Variants in MCOLN2 observed in about 807,000 individuals in gnomAD.
The protein encoded by MCOLN2 is mucolipin TRP cation channel 2.
A neutral mutation model predicts 67.5 loss-of-function variants in MCOLN2; 57 were observed. That is an observed-to-expected ratio of 0.84 (90% confidence interval 0.68 to 1.05). MCOLN2 has a LOEUF of 1.05. Ranked by LOEUF, MCOLN2 falls within the 50% of genes least tolerant of loss-of-function variation. MCOLN2 has a pLI of 0.00. For missense variants in MCOLN2, 620 were observed against 678.8 expected (o/e 0.91, Z 0.96); for synonymous variants, 246 against 233.3 (o/e 1.05, Z -0.50).
At chr1:84,982,087 T>A (rs536940811) in intron 1 of MCOLN2, among the ~76,000 whole-genome samples, 2,644 of 148,962 alleles carry the variant, frequency 0.018, 90 homozygotes, top group African/African-American at 0.061. Context: ...TTTTTTTTTT[T>A]AAAAAAAAGA....
intron 1 of MCOLN2, chr1:84,971,836 C>G (rs1649705942): frequency 6.6e-6 from 1 of 152,112 alleles, no homozygotes; most frequent in Admixed American, 6.5e-5. Flanking sequence ...CCAGGGCAGG[C>G]AGATCACTTG....
chr1:84,992,080 T>G (rs1472973278), intron 1 of MCOLN2, among the ~76,000 whole-genome samples: 1 of 152,190 alleles, frequency 6.6e-6, no homozygotes, highest in East Asian at 1.9e-4. Context: ...CAAGCCCAAC[T>G]CAGTTTCATG....
Position 84,946,925 on chromosome 1 carries a change from G to T in MCOLN2, c.847+108C>A, listed in dbSNP as rs1570971001. On this transcript the variant is annotated intron_variant, in intron 7 of 13. Transcript: ENST00000370608. ...TTTACAGGATCTAATGCTCGAGGCG[G>T]TTTTCTTCCTATTATCATGCAAACA... The T allele has an allele frequency of 3.2e-6, 2 of 618,032 alleles. 1 individual carries two copies. 38.3% of individuals were successfully genotyped at this position (618,032 alleles called of 1,614,324 possible).
At chr1:84,981,016 A>G (rs952475220) in intron 1 of MCOLN2, among the ~76,000 whole-genome samples, 1 of 152,214 alleles carries the variant, frequency 6.6e-6, no homozygotes, top group African/African-American at 2.4e-5. Context: ...TATGTCTCAA[A>G]AGAAGACATA....
chr1:84,994,502 C>T (rs1243664527), intron 1 of MCOLN2, among the ~76,000 whole-genome samples: 2 of 152,244 alleles, frequency 1.3e-5, no homozygotes, highest in African/African-American at 4.8e-5. Context: ...TATATCAGCA[C>T]TTTCTGCTTC....
intron 1 of MCOLN2, among the ~76,000 whole-genome samples, chr1:84,980,826 A>C (rs1168528777): frequency 6.6e-6 from 1 of 152,300 alleles, no homozygotes; most frequent in Non-Finnish European, 1.5e-5. Flanking sequence ...TCAAGTTTAA[A>C]AGCTTCTGCA....
intron 1 of MCOLN2, among the ~76,000 whole-genome samples, chr1:84,982,634 C>T (rs550473422): frequency 6.6e-6 from 1 of 152,132 alleles, no homozygotes; most frequent in Admixed American, 6.5e-5. Flanking sequence ...GAGCTCCAAC[C>T]ACCCCTTAGC....
At chr1:84,982,090 A>ATTTTT (rs1458660431) in intron 1 of MCOLN2, among the ~76,000 whole-genome samples, 1,338 of 133,264 alleles carry the variant, frequency 0.01, 25 homozygotes, top group African/African-American at 0.033. Flanking sequence ...TTTTTTTTAA[A>ATTTTT]AAAAAGATGA....
intron 1 of MCOLN2, among the ~76,000 whole-genome samples, chr1:84,976,489 C>T (rs1243690392): frequency 6.6e-6 from 1 of 152,056 alleles, no homozygotes; most frequent in East Asian, 1.9e-4. Flanking sequence ...CAGACAAGGT[C>T]GGGTGCAGTG....
At chr1:84,978,787 T>C (rs1274159759) in intron 1 of MCOLN2, among the ~76,000 whole-genome samples, 2 of 152,116 alleles carry the variant, frequency 1.3e-5, no homozygotes, top group Non-Finnish European at 2.9e-5. Context: ...TAATGGAATG[T>C]ATATGTGTAT....
intron 1 of MCOLN2, among the ~76,000 whole-genome samples, chr1:84,992,319 A>G (rs1005452762): frequency 6.6e-6 from 1 of 152,198 alleles, no homozygotes; most frequent in African/African-American, 2.4e-5. Flanking sequence ...CCTTCAAAAG[A>G]GAAGAAAGGA....
At position 84,996,817 on chromosome 1, in the gene MCOLN2, C is replaced by A. The variant is rs759831805; in HGVS notation, c.56G>T (p.Gly19Val). 4 of 1,614,146 alleles carry A rather than the reference C, an allele frequency of 2.5e-6. No individual in the cohort carries two copies. The highest frequency in any genetic ancestry group is 2.2e-5 in the South Asian group (2 of 91,066). The change falls in exon 1 of 14, where the codon GGT becomes GTT. Residue 19 changes from glycine (G) to valine (V), a missense_variant. Transcript: ENST00000370608. Reference sequence around the variant, plus strand: ...TCACCTGACGGTTAACCTGAAAACACCTGATCCTCTCTCCGGAATCCTTGC... The same window carrying A: ...TCACCTGACGGTTAACCTGAAAACAACTGATCCTCTCTCCGGAATCCTTGC... ...PQARIPERGS[G>V]VFRLTVRNAM...
At chr1:84,970,934 T>C (rs1649648344) in intron 1 of MCOLN2, among the ~76,000 whole-genome samples, 1 of 152,158 alleles carries the variant, frequency 6.6e-6, no homozygotes, top group African/African-American at 2.4e-5. Context: ...GTTCAAGAAA[T>C]GATAACTGAT....
chr1:84,987,200 CTATCTATCTATA>C (rs1343225953), intron 1 of MCOLN2, among the ~76,000 whole-genome samples: 22 of 138,092 alleles, frequency 1.6e-4, no homozygotes, highest in South Asian at 2.3e-4. Context: ...ATCTATCTAT[CTATCTATCTATA>C]TATATGGCAT....
At chr1:84,978,308 C>G (rs1650090776) in intron 1 of MCOLN2, among the ~76,000 whole-genome samples, 1 of 151,770 alleles carries the variant, frequency 6.6e-6, no homozygotes, top group South Asian at 2.1e-4. Flanking sequence ...AATAAACAAT[C>G]TAATGATACA....
At chr1:84,950,964 C>A (rs1393411179) in intron 6 of MCOLN2, among the ~76,000 whole-genome samples, 1 of 152,136 alleles carries the variant, frequency 6.6e-6, no homozygotes, top group Non-Finnish European at 1.5e-5. Context: ...TTTTTAAACC[C>A]ACACTTCCGA....
rs527966292 is a variant in MCOLN2, at chr1:84,987,318, G to T, written c.77+9478C>A. 1.3e-4 allele frequency among the ~76,000 whole-genome samples: 18 copies of T among 134,110 alleles called. No individual in the cohort carries two copies. In the South Asian group the frequency reaches 4.0e-3, roughly 30 times the overall value. The allele number at this position is 134,110 out of a possible 152,430, so 88.0% of individuals were successfully genotyped here. A position where few individuals can be genotyped will look rare whatever the true frequency, so the allele number is the denominator to read the frequency against. ...CATGTAGATACATATACATCTATATGTATATAGATATATAGATATATGTAT... is the reference window on the plus strand; with the variant it reads ...CATGTAGATACATATACATCTATATTTATATAGATATATAGATATATGTAT... On this transcript the variant is annotated intron_variant, in intron 1 of 13. Transcript: ENST00000370608.
Position 84,947,127 on chromosome 1 carries a change from G to A in MCOLN2, c.753C>T (p.Ile251=), listed in dbSNP as rs866200676. 10 of 1,521,474 alleles carry A rather than the reference G, an allele frequency of 6.6e-6. No homozygotes were observed. The highest frequency in any genetic ancestry group is 1.7e-4 in the Middle Eastern group (1 of 5,900). 94.2% of individuals were successfully genotyped at this position (1,521,474 alleles called of 1,614,324 possible). A position where few individuals can be genotyped will look rare whatever the true frequency, so the allele number is the denominator to read the frequency against. The part of the protein sequence containing the change: ...PDCYVFQNTI[I]FDNKAHSGKI... ...TGCCACTGTGAGCTTTATTGTCAAA[G>A]ATAATCTGGAGACACAAATGTATAG... The change falls in exon 7 of 14, where the codon ATC becomes ATT. Residue 251 remains isoleucine (I), a synonymous_variant. Coordinates refer to ENST00000370608, the MANE Select transcript of MCOLN2 (RefSeq NM_153259.4).
intron 4 of MCOLN2, among the ~76,000 whole-genome samples, chr1:84,955,630 C>T (rs923586571): frequency 2.0e-5 from 3 of 152,094 alleles, no homozygotes; most frequent in African/African-American, 7.2e-5. Flanking sequence ...GAGATATGAC[C>T]TGATTTACCA....
Sources: gnomAD v4.1 joint callset for allele counts (sites outside exome capture counted in the v4.1 genomes callset) on GRCh38, gnomAD v4.1.1 for gene constraint, MANE v1.5 for transcripts, NCBI Gene and HGNC (gene_info 2026-07-23, HGNC 2026-07-21) for gene names.